The following UBE2E3 variants were observed in gnomAD, a reference collection of about 807,000 sequenced individuals.
The protein encoded by UBE2E3 is ubiquitin-conjugating enzyme E2 E3.
In UBE2E3, 5 loss-of-function variants were observed where a neutral mutation model predicts 23.6. The ratio of observed to expected loss-of-function variants is 0.21; its 90% CI spans 0.11 to 0.44. The LOEUF (loss-of-function observed/expected upper bound fraction) is 0.44. UBE2E3 is among the 20% of genes least tolerant of loss of function. The pLI is 0.99. For synonymous variants in UBE2E3, 78 were observed against 87.5 expected (o/e 0.89, Z 0.60); for missense variants, 81 against 249.8 (o/e 0.32, Z 4.55).
chr2:181,015,646 A>T (rs1263640997), intron 3 of UBE2E3, among the ~76,000 whole-genome samples: 2 of 152,174 alleles, frequency 1.3e-5, no homozygotes, highest in Non-Finnish European at 2.9e-5. Flanking sequence ...ACAGATAAGG[A>T]TGGAATAAAA....
chr2:181,007,429 T>A (rs536191980), intron 3 of UBE2E3, among the ~76,000 whole-genome samples: 1 of 152,048 alleles, frequency 6.6e-6, no homozygotes, highest in Non-Finnish European at 1.5e-5. Flanking sequence ...TTTATAAATA[T>A]AAGAGAGTAG....
chr2:181,021,433 C>T (rs1201198552), intron 3 of UBE2E3, among the ~76,000 whole-genome samples: 1 of 143,588 alleles, frequency 7.0e-6, no homozygotes, highest in Non-Finnish European at 1.5e-5. Context: ...TCCTCCCTTC[C>T]TTCCTTTCTC....
intron 3 of UBE2E3, 44 bp from the exon 4 acceptor site, chr2:181,057,649 T>A (rs1229851859): frequency 6.8e-7 from 1 of 1,480,646 alleles, no homozygotes. Context: ...TTAACATTCA[T>A]TGCTAATATA....
chr2:180,991,616 C>G (rs764540099), intron 3 of UBE2E3, among the ~76,000 whole-genome samples: 32 of 152,194 alleles, frequency 2.1e-4, no homozygotes, highest in Non-Finnish European at 2.2e-4. Flanking sequence ...AACTCATAAA[C>G]TTTCTTAAAA....
chr2:181,023,047 T>C (rs1365961638), intron 3 of UBE2E3, among the ~76,000 whole-genome samples: 1 of 152,212 alleles, frequency 6.6e-6, no homozygotes, highest in East Asian at 1.9e-4. Context: ...GCAATATACA[T>C]TTAGTAGAAA....
intron 3 of UBE2E3, among the ~76,000 whole-genome samples, chr2:181,015,497 A>C (rs894859413): frequency 4.3e-4 from 66 of 152,328 alleles, no homozygotes; most frequent in African/African-American, 1.5e-3. Context: ...TAAAAAGACC[A>C]AGTGGTGAAA....
chr2:181,049,024 T>C (rs1686751167), intron 3 of UBE2E3, among the ~76,000 whole-genome samples: 1 of 152,032 alleles, frequency 6.6e-6, no homozygotes, highest in African/African-American at 2.4e-5. Flanking sequence ...GCTGAGAGAA[T>C]AGCGGCAACT....
chr2:181,025,523 G>C (rs1353413362), intron 3 of UBE2E3, among the ~76,000 whole-genome samples: 1 of 151,648 alleles, frequency 6.6e-6, no homozygotes, highest in Non-Finnish European at 1.5e-5. Flanking sequence ...GCATTTAAGG[G>C]TATTCTTTTA....
At chr2:181,030,923 T>C (rs1331184528) in intron 3 of UBE2E3, among the ~76,000 whole-genome samples, 1 of 152,196 alleles carries the variant, frequency 6.6e-6, no homozygotes, top group Non-Finnish European at 1.5e-5. Context: ...TTTTAGTTTT[T>C]ATTGACACTA....
chr2:181,036,853 T>G lies in UBE2E3; in HGVS notation c.246-20840T>G, dbSNP rs150152665. On this transcript the variant is annotated intron_variant, in intron 3 of 5. Coordinates refer to ENST00000410062, the MANE Select transcript of UBE2E3 (RefSeq NM_006357.4). ...TGATGTTGTGACCAGAAATATGACA[T>G]AGGAACTTAAATCTTGTTTATGTCA... 3.7e-4 allele frequency among the ~76,000 whole-genome samples: 56 copies of G among 152,368 alleles called. No homozygotes were observed. In the East Asian group the frequency reaches 9.4e-3, roughly 26 times the overall value.
At chr2:181,041,324 A>G (rs1190197413) in intron 3 of UBE2E3, among the ~76,000 whole-genome samples, 1 of 151,206 alleles carries the variant, frequency 6.6e-6, no homozygotes, top group East Asian at 1.9e-4. Flanking sequence ...CTCTCCTCAT[A>G]GGGGCATTGA....
chr2:181,032,324 A>AT (rs942601409), intron 3 of UBE2E3, among the ~76,000 whole-genome samples: 1 of 152,068 alleles, frequency 6.6e-6, no homozygotes, highest in Non-Finnish European at 1.5e-5. Context: ...AATCGGTAAT[A>AT]TTTTTTTCCT....
chr2:181,045,890 GACA>G (rs933311065), intron 3 of UBE2E3, among the ~76,000 whole-genome samples: 21 of 151,802 alleles, frequency 1.4e-4, no homozygotes, highest in African/African-American at 5.1e-4. Flanking sequence ...AAAAAAAAAA[GACA>G]ACAATCAATT....
intron 5 of UBE2E3, among the ~76,000 whole-genome samples, chr2:181,061,049 T>C (rs1687138870): frequency 6.6e-6 from 1 of 151,344 alleles, no homozygotes; most frequent in African/African-American, 2.4e-5. Context: ...CTATAATTAT[T>C]TTGTCACCAT....
rs1206207155 is a variant in UBE2E3, at chr2:181,041,234, C to CAAAAAAA, written c.246-16446_246-16440dup. Among the ~76,000 whole-genome samples the CAAAAAAA allele has an allele frequency of 4.8e-3, 370 of 77,130 alleles. 21 individuals are homozygous for CAAAAAAA. The highest frequency in any genetic ancestry group is 0.017 in the African/African-American group (327 of 18,938). 50.6% of individuals were successfully genotyped at this position (77,130 alleles called of 152,430 possible). On this transcript the variant is annotated intron_variant, in intron 3 of 5. Coordinates refer to ENST00000410062, the MANE Select transcript of UBE2E3 (RefSeq NM_006357.4). ...CTAACGACAGAGCAAGACTCCGTCT[C>CAAAAAAA]AAAAAAAAAAAAAAAAAAAGATAGA...
intron 3 of UBE2E3, among the ~76,000 whole-genome samples, chr2:181,012,059 T>C (rs1238399498): frequency 5.3e-5 from 8 of 152,064 alleles, no homozygotes; most frequent in African/African-American, 1.9e-4. Context: ...GAGTGCTCAG[T>C]TATTAGGTTG....
intron 3 of UBE2E3, among the ~76,000 whole-genome samples, chr2:181,056,549 A>C (rs1382901398): frequency 2.0e-5 from 3 of 151,764 alleles, no homozygotes; most frequent in African/African-American, 7.3e-5. Flanking sequence ...CTTGGGAACT[A>C]ATTCATTCTT....
At chr2:181,030,574 CAG>C (rs1686044461) in intron 3 of UBE2E3, among the ~76,000 whole-genome samples, 1 of 151,958 alleles carries the variant, frequency 6.6e-6, no homozygotes, top group East Asian at 1.9e-4. Context: ...ATACTGGCCT[CAG>C]AGAAAAAAAA....
At chr2:181,025,454 A>G (rs538521250) in intron 3 of UBE2E3, among the ~76,000 whole-genome samples, 3 of 151,188 alleles carry the variant, frequency 2.0e-5, no homozygotes, top group Admixed American at 6.6e-5. Flanking sequence ...GTTAGGTAAG[A>G]GAACTTTGAT....
Sources: gnomAD v4.1 joint callset for allele counts (sites outside exome capture counted in the v4.1 genomes callset) on GRCh38, gnomAD v4.1.1 for gene constraint, MANE v1.5 for transcripts, NCBI Gene and HGNC (gene_info 2026-07-23, HGNC 2026-07-21) for gene names.